Variants in ZNF608 observed in about 807,000 individuals in gnomAD.
ZNF608 encodes the protein renal carcinoma antigen NY-REN-36.
ZNF608 carries 12 observed loss-of-function variants against 109.0 expected under a neutral mutation model. That is an observed-to-expected ratio of 0.11 (90% confidence interval 0.07 to 0.18). The LOEUF is 0.18. ZNF608 is among the 10% of genes least tolerant of loss of function. The probability of loss-of-function intolerance (pLI) is 1.00; values close to 1 mark genes in which losing one functional copy is unlikely to be tolerated. For synonymous variants in ZNF608, 732 were observed against 717.4 expected (o/e 1.02, Z -0.33); for missense variants, 1,707 against 1,879.3 (o/e 0.91, Z 1.70).
chr5:124,643,172 G>A (rs1228838236), intron 7 of ZNF608, among the ~76,000 whole-genome samples: 2 of 152,186 alleles, frequency 1.3e-5, no homozygotes, highest in East Asian at 3.9e-4. Flanking sequence ...ATACTCCTCT[G>A]TTACCTAATT....
At chr5:124,722,762 T>G (rs766828827) in intron 2 of ZNF608, among the ~76,000 whole-genome samples, 1 of 151,914 alleles carries the variant, frequency 6.6e-6, no homozygotes, top group South Asian at 2.1e-4. Flanking sequence ...ACCTTTAGAG[T>G]TGGAGAATCA....
At chr5:124,680,086 T>G (rs1752131243) in intron 3 of ZNF608, among the ~76,000 whole-genome samples, 1 of 152,124 alleles carries the variant, frequency 6.6e-6, no homozygotes, top group Non-Finnish European at 1.5e-5. Context: ...ATGCTGCTGT[T>G]TTAAGTCCCA....
At chr5:124,639,442 A>G (rs1750135839) in intron 8 of ZNF608, among the ~76,000 whole-genome samples, 1 of 152,234 alleles carries the variant, frequency 6.6e-6, no homozygotes, top group African/African-American at 2.4e-5. Flanking sequence ...AAGGAGATAC[A>G]GCATTCCATC....
intron 3 of ZNF608, among the ~76,000 whole-genome samples, chr5:124,669,592 C>G (rs377471782): frequency 6.6e-6 from 1 of 152,052 alleles, no homozygotes; most frequent in East Asian, 1.9e-4. Flanking sequence ...GGAACTATAG[C>G]GTAGGTTTCA....
Position 124,647,020 on chromosome 5 carries a change from T to C in ZNF608, c.3364A>G (p.Thr1122Ala). 1 of 1,614,062 alleles carries C rather than the reference T, an allele frequency of 6.2e-7. No homozygotes were observed. The highest frequency in any genetic ancestry group is 2.2e-5 in the East Asian group (1 of 44,888). Residue 1122 changes from threonine (T) to alanine (A), a missense_variant, in exon 5 of 10, where the codon ACT (threonine) becomes GCT (alanine). Around this residue, in one of 7 missense-constraint regions of ZNF608, gnomAD observed 1,073 missense variants for 1,133.5 expected, o/e 0.95. Transcript: ENST00000513986. ...QRLAEQKMAQ[T>A]GRGDCERKSE... The stretch of plus-strand genomic sequence containing the variant: ...TTCCTTTCACAGTCTCCTCTCCCAG[T>C]CTGGGCCATTTTCTGCTCTGCCAGC...
At chr5:124,701,299 T>G (rs191361823) in intron 2 of ZNF608, 30 bp from the exon 3 acceptor site, 2 of 1,609,496 alleles carry the variant, frequency 1.2e-6, no homozygotes, top group Non-Finnish European at 1.7e-6. Flanking sequence ...ACTGCAGTAG[T>G]GCTGCATTCC....
At chr5:124,685,645 C>T (rs1752382542) in intron 3 of ZNF608, among the ~76,000 whole-genome samples, 1 of 151,482 alleles carries the variant, frequency 6.6e-6, no homozygotes, top group Non-Finnish European at 1.5e-5. Flanking sequence ...ACAACAGCAA[C>T]TTATCAACAG....
chr5:124,641,209 A>T lies in ZNF608; in HGVS notation c.4450+43T>A, dbSNP rs964126566. The T allele has an allele frequency of 5.0e-6, 8 of 1,611,296 alleles. 1 individual carries two copies. In the Admixed American group the frequency reaches 8.4e-5, roughly 17 times the overall value. ...AATGCAATTTTAGCAACTGTTTTCC[A>T]AAGCAGAATGGACAAAGACACAGTA... On this transcript the variant is annotated intron_variant, in intron 8 of 9. Transcript: ENST00000513986.
At chr5:124,694,142 ATTTTTTT>A (rs11320730) in intron 3 of ZNF608, among the ~76,000 whole-genome samples, 19 of 63,940 alleles carry the variant, frequency 3.0e-4, no homozygotes, top group African/African-American at 1.0e-3. Flanking sequence ...CGCTCGGCTA[ATTTTTTT>A]TTTTTTTTTT....
chr5:124,742,487 T>C (rs1749455691), intron 2 of ZNF608, among the ~76,000 whole-genome samples: 1 of 152,210 alleles, frequency 6.6e-6, no homozygotes, highest in Admixed American at 6.5e-5. Flanking sequence ...TTGAAGACTA[T>C]TGGCAACAAA....
intron 3 of ZNF608, among the ~76,000 whole-genome samples, chr5:124,694,660 G>A (rs1321286885): frequency 3.3e-5 from 5 of 152,014 alleles, no homozygotes; most frequent in Admixed American, 2.0e-4. Flanking sequence ...CCATGTTGGC[G>A]TGCTGCACCC....
rs556039895 is a variant in ZNF608 at position 124,699,970 on chromosome 5, G to GT, written c.1162+1043dup. Among the ~76,000 whole-genome samples, 216 of 148,538 alleles carry GT rather than the reference G, an allele frequency of 1.5e-3. 1 individual carries two copies. The highest frequency in any genetic ancestry group is 4.8e-3 in the African/African-American group (194 of 40,146). On this transcript the variant is annotated intron_variant, in intron 3 of 9. Transcript: ENST00000513986. Reference sequence around the variant, plus strand: ...ATTCAGAGGAATCTGATGAATAATTGTGAGTCTCAGACCCTTCTTGTTACC... The same window carrying GT: ...ATTCAGAGGAATCTGATGAATAATTGTTGAGTCTCAGACCCTTCTTGTTACC...
chr5:124,729,123 ATT>A (rs1304742903), intron 2 of ZNF608, among the ~76,000 whole-genome samples: 1 of 152,192 alleles, frequency 6.6e-6, no homozygotes, highest in Non-Finnish European at 1.5e-5. Flanking sequence ...ATCAGTTCTG[ATT>A]ACCGTACTCA....
At chr5:124,675,389 T>C (rs368694980) in intron 3 of ZNF608, among the ~76,000 whole-genome samples, 2 of 152,238 alleles carry the variant, frequency 1.3e-5, no homozygotes, top group South Asian at 4.1e-4. Context: ...GATCCTTTTC[T>C]ATTTGAAGAC....
chr5:124,742,187 G>C (rs1749439538), intron 2 of ZNF608, among the ~76,000 whole-genome samples: 1 of 152,158 alleles, frequency 6.6e-6, no homozygotes, highest in Non-Finnish European at 1.5e-5. Context: ...ACTGGAAAGT[G>C]AAAAGAACAC....
chr5:124,640,633 C>T (rs1750196741), intron 8 of ZNF608, among the ~76,000 whole-genome samples: 2 of 152,232 alleles, frequency 1.3e-5, no homozygotes, highest in Admixed American at 1.3e-4. Flanking sequence ...CACCCACCTA[C>T]TATGAGATGA....
intron 9 of ZNF608, 164 bp downstream of exon 9, chr5:124,638,969 T>G: frequency 1.2e-6 from 1 of 828,728 alleles, no homozygotes; most frequent in Non-Finnish European, 1.9e-6. Context: ...TCATGGAATT[T>G]AAGTTGCATG....
At chr5:124,738,246 A>T (rs1749234238) in intron 2 of ZNF608, among the ~76,000 whole-genome samples, 1 of 152,198 alleles carries the variant, frequency 6.6e-6, no homozygotes, top group Admixed American at 6.5e-5. Flanking sequence ...GGAGAGTATT[A>T]TGATCATTTA....
intron 2 of ZNF608, among the ~76,000 whole-genome samples, chr5:124,739,651 T>C (rs1749297954): frequency 1.3e-5 from 2 of 152,228 alleles, no homozygotes; most frequent in Middle Eastern, 3.2e-3. Flanking sequence ...CTGGTTAAAA[T>C]AAATGCAGGA....
Sources: gnomAD v4.1 joint callset for allele counts (sites outside exome capture counted in the v4.1 genomes callset) on GRCh38, gnomAD v4.1.1 for gene constraint, gnomAD v4.1.1 regional missense constraint, MANE v1.5 for transcripts, NCBI Gene and HGNC (gene_info 2026-07-23, HGNC 2026-07-21) for gene names.